The following SSBP2 variants were observed in gnomAD, a reference collection of about 807,000 sequenced individuals.
SSBP2 encodes single stranded DNA binding protein 2, also known as single-stranded DNA-binding protein 2.
Under a neutral mutation model 61.8 loss-of-function variants are expected in SSBP2, and 17 were observed. The ratio of observed to expected loss-of-function variants is 0.28; its 90% CI spans 0.19 to 0.41. The LOEUF (loss-of-function observed/expected upper bound fraction) is 0.41. SSBP2 is among the 10% of genes least tolerant of loss of function. SSBP2 has a pLI of 1.00. For missense variants in SSBP2, 310 were observed against 458.7 expected, an observed-to-expected ratio of 0.68 and a Z score of 2.96; for synonymous variants, 139 against 141.3, an observed-to-expected ratio of 0.98 and a Z score of 0.12.
At chr5:81,505,209 G>A (rs1580862839) in intron 5 of SSBP2, among the ~76,000 whole-genome samples, 1 of 150,984 alleles carries the variant, frequency 6.6e-6, no homozygotes, top group Non-Finnish European at 1.5e-5. Flanking sequence ...TTTACATAAT[G>A]TCTATGGTTG....
intron 1 of SSBP2, among the ~76,000 whole-genome samples, chr5:81,719,985 C>T (rs1232838048): frequency 6.6e-6 from 1 of 152,020 alleles, no homozygotes; most frequent in Non-Finnish European, 1.5e-5. Flanking sequence ...GGCTGTTTTA[C>T]ATATGAAAAT....
rs572384452 is a variant in SSBP2, at chr5:81,545,997, G to C, written c.283-32280C>G. Among the ~76,000 whole-genome samples, 5 of 152,188 alleles carry C rather than the reference G, an allele frequency of 3.3e-5. No individual in the cohort carries two copies. The East Asian group carries it at 9.6e-4, about 29-fold the overall frequency. ...TAAAGGGAATGTTTAAGCACAAGCTGGTTGATCAGATGAAATTCCCTTTCC... is the reference window on the plus strand; with the variant it reads ...TAAAGGGAATGTTTAAGCACAAGCTCGTTGATCAGATGAAATTCCCTTTCC... On this transcript the variant is annotated intron_variant, in intron 4 of 16. Coordinates refer to ENST00000320672, the MANE Select transcript of SSBP2 (RefSeq NM_012446.5).
intron 1 of SSBP2, among the ~76,000 whole-genome samples, chr5:81,691,126 C>A: frequency 6.6e-6 from 1 of 151,740 alleles, no homozygotes; most frequent in Non-Finnish European, 1.5e-5. Context: ...AGTAGAAAAA[C>A]TTCAAATAAA....
At chr5:81,620,487 C>T (rs1289079594) in intron 3 of SSBP2, among the ~76,000 whole-genome samples, 15 of 149,792 alleles carry the variant, frequency 1.0e-4, no homozygotes, top group Non-Finnish European at 2.2e-4. Context: ...ATTCCATGCT[C>T]ATGGGTAGGA....
At chr5:81,745,654 T>C (rs1481786743) in intron 1 of SSBP2, among the ~76,000 whole-genome samples, 1 of 152,098 alleles carries the variant, frequency 6.6e-6, no homozygotes, top group Non-Finnish European at 1.5e-5. Flanking sequence ...AATAACCTCA[T>C]GTGTTCCAAA....
intron 2 of SSBP2, among the ~76,000 whole-genome samples, chr5:81,638,591 T>C (rs1748479875): frequency 6.6e-6 from 1 of 151,916 alleles, no homozygotes; most frequent in Non-Finnish European, 1.5e-5. Context: ...ATTATTTTTT[T>C]TTTCTTTTAC....
rs1336303775 is a variant in SSBP2 at position 81,723,930 on chromosome 5, T to C, written c.62+27051A>G. Reference sequence around the variant, plus strand: ...ACTTCTCTATCTTCTGTCTTTTCTATGCTTCTTTGCTGAGGTGCCACTTGC... The same window carrying C: ...ACTTCTCTATCTTCTGTCTTTTCTACGCTTCTTTGCTGAGGTGCCACTTGC... On this transcript the variant is annotated intron_variant, in intron 1 of 16. Coordinates refer to ENST00000320672, the MANE Select transcript of SSBP2 (RefSeq NM_012446.5). Among the ~76,000 whole-genome samples the C allele has an allele frequency of 3.9e-5, 6 of 152,030 alleles. No homozygotes were observed. In the South Asian group the frequency reaches 1.0e-3, roughly 26 times the overall value.
At chr5:81,461,730 C>T (rs2154001008) in intron 9 of SSBP2, among the ~76,000 whole-genome samples, 1 of 152,070 alleles carries the variant, frequency 6.6e-6, no homozygotes, top group Non-Finnish European at 1.5e-5. Context: ...GTGGCCAGAG[C>T]AAATCTTAGA....
rs6899024 is a variant in SSBP2 at position 81,512,229 on chromosome 5, C to T, written c.372+1399G>A. Among the ~76,000 whole-genome samples, 891 of 152,298 alleles carry T rather than the reference C, an allele frequency of 5.9e-3. 11 individuals carry two copies. Among genetic ancestry groups the T allele is most frequent in the African/African-American group, 0.021 (860 of 41,564 alleles). On this transcript the variant is annotated intron_variant, in intron 5 of 16. Coordinates refer to ENST00000320672, the MANE Select transcript of SSBP2 (RefSeq NM_012446.5). ...GAGGCTTAAAAGATAAATTCAGTGG[C>T]AGAAGTCCAGACTACTTTGATTTGA... is the stretch of plus-strand genomic sequence containing the variant.
At chr5:81,591,951 C>T (rs1027447657) in intron 4 of SSBP2, among the ~76,000 whole-genome samples, 3 of 152,192 alleles carry the variant, frequency 2.0e-5, no homozygotes, top group East Asian at 1.9e-4. Context: ...ACTGAGGTAC[C>T]GGGTTCATCT....
At chr5:81,743,072 G>C (rs1757133730) in intron 1 of SSBP2, among the ~76,000 whole-genome samples, 1 of 151,912 alleles carries the variant, frequency 6.6e-6, no homozygotes, top group Non-Finnish European at 1.5e-5. Context: ...CATTATAAAA[G>C]CCCCACTGTC....
At chr5:81,731,419 C>T (rs1181999692) in intron 1 of SSBP2, among the ~76,000 whole-genome samples, 1 of 152,114 alleles carries the variant, frequency 6.6e-6, no homozygotes, top group Non-Finnish European at 1.5e-5. Flanking sequence ...CAAATGAATC[C>T]TGGGCAATAT....
chr5:81,443,649 G>A (rs529475703), intron 12 of SSBP2, among the ~76,000 whole-genome samples: 13 of 152,226 alleles, frequency 8.5e-5, no homozygotes, highest in African/African-American at 1.9e-4. Context: ...TGCAACCTCC[G>A]CCTCCCGGGT....
chr5:81,746,422 T>G (rs1264845871), intron 1 of SSBP2, among the ~76,000 whole-genome samples: 1 of 152,148 alleles, frequency 6.6e-6, no homozygotes, highest in Admixed American at 6.5e-5. Flanking sequence ...CGAATTGCTG[T>G]CAAGTAAGTT....
intron 4 of SSBP2, among the ~76,000 whole-genome samples, chr5:81,534,588 A>C (rs1359119334): frequency 6.6e-6 from 1 of 152,152 alleles, no homozygotes; most frequent in African/African-American, 2.4e-5. Flanking sequence ...TGATAATTTT[A>C]TTACTAGACG....
chr5:81,611,242 T>C (rs559853908), intron 4 of SSBP2, among the ~76,000 whole-genome samples: 2 of 152,320 alleles, frequency 1.3e-5, no homozygotes, highest in South Asian at 4.1e-4. Context: ...TTCAAATCTA[T>C]AGTTTCGGGT....
At chr5:81,716,625 A>G (rs1581409753) in intron 1 of SSBP2, among the ~76,000 whole-genome samples, 2 of 152,260 alleles carry the variant, frequency 1.3e-5, no homozygotes, top group East Asian at 3.9e-4. Context: ...ACATTCTATC[A>G]TTAACCTTTT....
Position 81,615,453 on chromosome 5 carries a change from A to G in SSBP2, c.282+20T>C. ...CAGAAAACTGACAGTGTAACTTTGT[A>G]AAATTATATGTTAACTTACGTAATC... is the stretch of plus-strand genomic sequence containing the variant. On this transcript the variant is annotated intron_variant, in intron 4 of 16. Coordinates refer to ENST00000320672, the MANE Select transcript of SSBP2 (RefSeq NM_012446.5). 1.3e-6 allele frequency: 2 copies of G among 1,583,532 alleles called. No homozygotes were observed. The highest frequency in any genetic ancestry group is 1.7e-6 in the Non-Finnish European group (2 of 1,152,802).
At chr5:81,565,494 G>A (rs912961217) in intron 4 of SSBP2, among the ~76,000 whole-genome samples, 1 of 152,024 alleles carries the variant, frequency 6.6e-6, no homozygotes, top group Non-Finnish European at 1.5e-5. Context: ...ATACATATAC[G>A]ACAGGTGTAG....
Sources: gnomAD v4.1 joint callset for allele counts (sites outside exome capture counted in the v4.1 genomes callset) on GRCh38, gnomAD v4.1.1 for gene constraint, MANE v1.5 for transcripts, NCBI Gene and HGNC (gene_info 2026-07-23, HGNC 2026-07-21) for gene names.